Variants in ADAT3 observed in about 807,000 individuals in gnomAD.
The protein encoded by ADAT3 is tRNA-specific adenosine-34 deaminase regulatory subunit ADAT3.
Under a neutral mutation model 3.5 loss-of-function variants are expected in ADAT3, and 2 were observed. The observed-to-expected ratio is 0.57, with a 90% CI of 0.23 to 1.79. The LOEUF (loss-of-function observed/expected upper bound fraction) is 1.79. Among genes scored for constraint, ADAT3 ranks in the 40% most tolerant of loss-of-function variants. ADAT3 has a pLI of 0.18. For synonymous variants in ADAT3, 358 were observed against 270.3 expected, an observed-to-expected ratio of 1.32 and a Z score of -3.18; for missense variants, 735 against 571.4, an observed-to-expected ratio of 1.29 and a Z score of -2.92.
rs201346862 is a variant in ADAT3 at position 1,912,887 on chromosome 19, C to T, written c.840C>T (p.Ala280=). ...CCCCCCAGGCCGTCCGCGCAGGCGC[C>T]GTGCGTAAACTGGACGCAGACGAGG... The part of the protein sequence containing the change: ...AAAPQAVRAG[A]VRKLDADEDG... The change falls in exon 2 of 2, where the codon GCC becomes GCT. Residue 280 remains alanine (A), a synonymous_variant. Coordinates refer to ENST00000329478, the MANE Select transcript of ADAT3 (RefSeq NM_138422.4). 10 of 1,606,360 alleles carry T rather than the reference C, an allele frequency of 6.2e-6. No individual in the cohort carries two copies. Among genetic ancestry groups the T allele is most frequent in the Non-Finnish European group, 6.8e-6 (8 of 1,179,086 alleles).
At position 1,912,770 on chromosome 19, in the gene ADAT3, C is replaced by T; in HGVS notation, c.723C>T (p.Val241=). ...SCADNPLLHA[V]MVCVDLVARG... is the part of the protein sequence containing the mutation. Reference sequence around the variant, plus strand: ...CGGACAACCCCCTCCTGCACGCCGTCATGGTGTGCGTGGACCTCGTGGCGC... The same window carrying T: ...CGGACAACCCCCTCCTGCACGCCGTTATGGTGTGCGTGGACCTCGTGGCGC... Residue 241 remains valine, a synonymous_variant, in exon 2 of 2, where the codon GTC becomes GTT. Transcript: ENST00000329478. The T allele has an allele frequency of 6.4e-7, 1 of 1,564,836 alleles. No homozygotes were observed. Among genetic ancestry groups the T allele is most frequent in the Non-Finnish European group, 8.6e-7 (1 of 1,163,498 alleles).
intron 1 of ADAT3, among the ~76,000 whole-genome samples, chr19:1,911,614 C>G (rs182956063): frequency 7.4e-4 from 112 of 152,242 alleles, no homozygotes; most frequent in African/African-American, 2.4e-3. Flanking sequence ...AATCCCATCT[C>G]TACTAAAAAT....
chr19:1,905,991 C>T (rs533664101), intron 1 of ADAT3: 3 of 152,198 alleles, frequency 2.0e-5, no homozygotes, highest in Non-Finnish European at 2.9e-5. Flanking sequence ...CACACTACCC[C>T]GAGGACCGAG....
chr19:1,909,098 C>A (rs1288368965), intron 1 of ADAT3, among the ~76,000 whole-genome samples: 1 of 143,654 alleles, frequency 7.0e-6, no homozygotes, highest in Non-Finnish European at 1.5e-5. Flanking sequence ...GAGTGAGACT[C>A]TGTCTGAAAA....
At chr19:1,906,940 C>T (rs1031488113) in intron 1 of ADAT3, 2 of 151,446 alleles carry the variant, frequency 1.3e-5, no homozygotes, top group African/African-American at 4.9e-5. Context: ...GTAATCCCAG[C>T]ACTTTGGGGG....
chr19:1,912,354 C>T lies in ADAT3; in HGVS notation c.307C>T (p.Pro103Ser). The change falls in exon 2 of 2, where the codon CCC becomes TCC. Residue 103 changes from proline to serine, a missense_variant. Pro to Ser is a moderately conservative substitution (Grantham distance 74). Coordinates refer to ENST00000329478, the MANE Select transcript of ADAT3 (RefSeq NM_138422.4). ...GCGGCCCAGCCGCGATGCCGGCAGC[C>T]CCCACGCCCTGGAGATGCTGCTTTG... ...RVRPSRDAGS[P>S]HALEMLLCLA... 7 of 1,530,920 alleles carry T rather than the reference C, an allele frequency of 4.6e-6. No individual in the cohort carries two copies. Among genetic ancestry groups the T allele is most frequent in the Non-Finnish European group, 6.1e-6 (7 of 1,146,646 alleles). 94.8% of individuals were successfully genotyped at this position (1,530,920 alleles called of 1,614,324 possible).
rs1432635359 is a variant in ADAT3, at chr19:1,912,634, C to T, written c.587C>T (p.Ala196Val). Residue 196 changes from alanine to valine, a missense_variant, in exon 2 of 2, where the codon GCG becomes GTG. Transcript: ENST00000329478. ...RAAMQSHMER[A>V]VWAARRAAAR... ...GCCATGCAGAGCCACATGGAGCGGG[C>T]GGTGTGGGCGGCCCGGCGGGCAGCA... 61 of 1,436,698 alleles carry T rather than the reference C, an allele frequency of 4.2e-5. No individual in the cohort carries two copies. Among genetic ancestry groups the T allele is most frequent in the Admixed American group, 1.8e-4 (6 of 33,098 alleles). The allele number at this position is 1,436,698 out of a possible 1,614,324, so 89.0% of individuals were successfully genotyped here.
intron 1 of ADAT3, among the ~76,000 whole-genome samples, chr19:1,909,364 G>A (rs1045757208): frequency 6.6e-6 from 1 of 152,202 alleles, no homozygotes; most frequent in Non-Finnish European, 1.5e-5. Flanking sequence ...CCTAGGGCAG[G>A]CTCCCTTCTA....
chr19:1,908,285 T>G lies in ADAT3; in HGVS notation c.-159+2846T>G. ...TCCCACTGCATCTCCGGTTCTGTGCTTTGTTGAACGCGTGAGCTTCGGGCA... is the reference window on the plus strand; with the variant it reads ...TCCCACTGCATCTCCGGTTCTGTGCGTTGTTGAACGCGTGAGCTTCGGGCA... On this transcript the variant is annotated intron_variant, in intron 1 of 1. Transcript: ENST00000329478. This position sits in a 1 kb window ranked among gnomAD's most constrained non-coding sequence, Gnocchi z 4.2. 1 of 319,856 alleles carries G rather than the reference T, an allele frequency of 3.1e-6. No individual in the cohort carries two copies. Among genetic ancestry groups the G allele is most frequent in the East Asian group, 1.0e-4 (1 of 9,996 alleles). The allele number at this position is 319,856 out of a possible 1,614,324, so 19.8% of individuals were successfully genotyped here.
rs569296092 is a variant in ADAT3, at chr19:1,908,458, G to A, written c.-159+3019G>A. 11 of 470,504 alleles carry A rather than the reference G, an allele frequency of 2.3e-5. No individual in the cohort carries two copies. In the East Asian group the frequency reaches 4.9e-4, roughly 21 times the overall value. 29.1% of individuals were successfully genotyped at this position (470,504 alleles called of 1,614,324 possible). ...GTAGCACCCACAGCTGCGCGGCTGC[G>A]AAATGATCCAGAGACACATCCCTGT... On this transcript the variant is annotated intron_variant, in intron 1 of 1. Coordinates refer to ENST00000329478, the MANE Select transcript of ADAT3 (RefSeq NM_138422.4). The surrounding 1 kb of genome is among the most constrained non-coding windows in gnomAD (Gnocchi z 4.2).
At position 1,912,590 on chromosome 19, in the gene ADAT3, C is replaced by T. The variant is rs1323278535; in HGVS notation, c.543C>T (p.Phe181=). The T allele has an allele frequency of 2.0e-6, 3 of 1,494,010 alleles. No individual in the cohort carries two copies. Among genetic ancestry groups the T allele is most frequent in the East Asian group, 5.6e-5 (2 of 35,854 alleles). The allele number at this position is 1,494,010 out of a possible 1,614,324, so 92.5% of individuals were successfully genotyped here. ...CCAGCGCCCTGGCTGGGCGGCTCTT[C>T]TCCACGCAGGAGCGCGCCGCCATGC... ...QVTSALAGRL[F]STQERAAMQS... The change falls in exon 2 of 2, where the codon TTC becomes TTT. Residue 181 remains phenylalanine (F), a synonymous_variant. Transcript: ENST00000329478.
intron 1 of ADAT3, among the ~76,000 whole-genome samples, chr19:1,911,150 C>T (rs2013423691): frequency 6.6e-6 from 1 of 152,092 alleles, no homozygotes; most frequent in Admixed American, 6.6e-5. Flanking sequence ...GCTAGGATTA[C>T]AGGCGTGAGC....
In ADAT3 at chr19:1,912,629, G is replaced by A. The variant is rs1401456236; in HGVS notation, c.582G>A (p.Glu194=). The A allele has an allele frequency of 4.8e-6, 7 of 1,450,322 alleles. No individual in the cohort carries two copies. Among genetic ancestry groups the A allele is most frequent in the Non-Finnish European group, 5.4e-6 (6 of 1,109,472 alleles). 89.8% of individuals were successfully genotyped at this position (1,450,322 alleles called of 1,614,324 possible). The change falls in exon 2 of 2, where the codon GAG becomes GAA. Residue 194 remains glutamate, a synonymous_variant. Transcript: ENST00000329478. The part of the protein sequence containing the change: ...QERAAMQSHM[E]RAVWAARRAA... ...GCGCCGCCATGCAGAGCCACATGGA[G>A]CGGGCGGTGTGGGCGGCCCGGCGGG... is the stretch of plus-strand genomic sequence containing the variant.
intron 1 of ADAT3, among the ~76,000 whole-genome samples, chr19:1,909,064 C>T (rs1187569699): frequency 6.6e-6 from 1 of 150,704 alleles, no homozygotes; most frequent in East Asian, 1.9e-4. Context: ...GAGATCATGC[C>T]ACTGCACTCC....
Position 1,912,937 on chromosome 19 carries a change from G to A in ADAT3, c.890G>A (p.Gly297Asp). 1 of 1,610,298 alleles carries A rather than the reference G, an allele frequency of 6.2e-7. No homozygotes were observed. The highest frequency in any genetic ancestry group is 8.5e-7 in the Non-Finnish European group (1 of 1,179,334). ...DEDGLPYLCT[G>D]YDLYVTREPC... ...GACGGCCTCCCCTACCTGTGCACTG[G>A]CTACGACCTGTACGTGACCCGCGAG... The change falls in exon 2 of 2, where the codon GGC becomes GAC. Residue 297 changes from glycine (G) to aspartate (D), a missense_variant. By Grantham distance (94) the Gly-to-Asp change is moderately conservative. Coordinates refer to ENST00000329478, the MANE Select transcript of ADAT3 (RefSeq NM_138422.4).
Position 1,913,366 on chromosome 19 carries a change from G to A in ADAT3, c.*215G>A, listed in dbSNP as rs2145441221. The stretch of plus-strand genomic sequence containing the variant: ...CCCGTGCCAGCGGTGCCCTTCTGCG[G>A]CCGCCCTTGCTGCGTTTGTGTCCCC... On this transcript the variant is annotated 3_prime_UTR_variant, in exon 2 of 2. Transcript: ENST00000329478. The A allele has an allele frequency of 2.9e-6, 2 of 692,302 alleles. No homozygotes were observed. The highest frequency in any genetic ancestry group is 2.9e-5 in the East Asian group (1 of 34,292). The allele number at this position is 692,302 out of a possible 1,614,324, so 42.9% of individuals were successfully genotyped here. A position where few individuals can be genotyped will look rare whatever the true frequency, so the allele number is the denominator to read the frequency against.
In ADAT3 at chr19:1,911,987, T is replaced by C. The variant is rs1170545118; in HGVS notation, c.-61T>C. ...TTTGGTGGCAGCACGCCCTGCCTTGTGGAGCCACGGCCTCCCGGGACGGAC... is the reference window on the plus strand; with the variant it reads ...TTTGGTGGCAGCACGCCCTGCCTTGCGGAGCCACGGCCTCCCGGGACGGAC... On this transcript the variant is annotated 5_prime_UTR_variant, in exon 2 of 2. Transcript: ENST00000329478. 2 of 1,411,572 alleles carry C rather than the reference T, an allele frequency of 1.4e-6. No homozygotes were observed. Among genetic ancestry groups the C allele is most frequent in the African/African-American group, 3.0e-5 (2 of 66,788 alleles). 87.4% of individuals were successfully genotyped at this position (1,411,572 alleles called of 1,614,324 possible).
At position 1,912,348 on chromosome 19, in the gene ADAT3, G is replaced by A. The variant is rs761158668; in HGVS notation, c.301G>A (p.Gly101Ser). Residue 101 changes from glycine to serine, a missense_variant, in exon 2 of 2, where the codon GGC becomes AGC. Gly to Ser is a moderately conservative substitution (Grantham distance 56, BLOSUM62 0). Coordinates refer to ENST00000329478, the MANE Select transcript of ADAT3 (RefSeq NM_138422.4). ...GCGGGTGCGGCCCAGCCGCGATGCC[G>A]GCAGCCCCCACGCCCTGGAGATGCT... ...LKRVRPSRDA[G>S]SPHALEMLLC... 6 of 1,532,364 alleles carry A rather than the reference G, an allele frequency of 3.9e-6. No individual in the cohort carries two copies. Among genetic ancestry groups the A allele is most frequent in the Non-Finnish European group, 3.5e-6 (4 of 1,147,466 alleles). 94.9% of individuals were successfully genotyped at this position (1,532,364 alleles called of 1,614,324 possible). A position where few individuals can be genotyped will look rare whatever the true frequency, so the allele number is the denominator to read the frequency against.
chr19:1,913,228 C>A lies in ADAT3; in HGVS notation c.*77C>A, dbSNP rs1193809434. On this transcript the variant is annotated 3_prime_UTR_variant, in exon 2 of 2. Transcript: ENST00000329478. ...CTCCTGGACTTCCGGGCCTCGATTT[C>A]TTCCGCACAAGCCTGACCGTGGATT... The A allele has an allele frequency of 9.6e-6, 14 of 1,453,548 alleles. No homozygotes were observed. The South Asian group carries it at 1.6e-4, about 17-fold the overall frequency. The allele number at this position is 1,453,548 out of a possible 1,614,324, so 90.0% of individuals were successfully genotyped here.
Sources: allele counts gnomAD v4.1 joint callset (sites outside exome capture counted in the v4.1 genomes callset), GRCh38; gene constraint gnomAD v4.1.1; non-coding constraint Gnocchi (gnomAD v3.1); transcripts MANE v1.5; gene names NCBI Gene and HGNC (gene_info 2026-07-23, HGNC 2026-07-21).